Variants in EFR3B observed in about 807,000 individuals in gnomAD.
EFR3B encodes protein EFR3 homolog B.
In EFR3B, 64 loss-of-function variants were observed where a neutral mutation model predicts 104.7. That is an observed-to-expected ratio of 0.61 (90% CI 0.50 to 0.75). The LOEUF (loss-of-function observed/expected upper bound fraction) is 0.75. EFR3B is among the 30% of genes least tolerant of loss of function. EFR3B has a pLI of 0.00. For missense variants in EFR3B, 750 were observed against 1,078.5 expected, an observed-to-expected ratio of 0.70 and a Z score of 4.27; for synonymous variants, 385 against 417.9, an observed-to-expected ratio of 0.92 and a Z score of 0.96.
chr2:25,044,957 GC>G (rs1380225867), intron 1 of EFR3B, among the ~76,000 whole-genome samples: 2 of 152,170 alleles, frequency 1.3e-5, no homozygotes, highest in Non-Finnish European at 2.9e-5. Context: ...GAATCCAGGA[GC>G]CCTTTCATGG....
chr2:25,096,077 G>A (rs1477814738), intron 3 of EFR3B, among the ~76,000 whole-genome samples: 5 of 151,850 alleles, frequency 3.3e-5, no homozygotes, highest in African/African-American at 1.2e-4. Flanking sequence ...GTGCATTGGT[G>A]TGATCTTGGC....
In EFR3B at chr2:25,131,106, T is replaced by A. The variant is rs1670315961; in HGVS notation, c.850-262T>A. On this transcript the variant is annotated intron_variant, in intron 8 of 22. Transcript: ENST00000403714. The surrounding 1 kb of genome is among the most constrained non-coding windows in gnomAD (Gnocchi z 7.6). The stretch of plus-strand genomic sequence containing the variant: ...TGAAGAAATGAAAGGAAGACCCTAT[T>A]TTAAAATGGTCTTTTGACCAATTTT... Among the ~76,000 whole-genome samples, 1 of 152,194 alleles carries A rather than the reference T, an allele frequency of 6.6e-6. No individual in the cohort carries two copies. The highest frequency in any genetic ancestry group is 2.4e-5 in the African/African-American group (1 of 41,432).
intron 1 of EFR3B, chr2:25,080,001 T>C: frequency 1.0e-6 from 1 of 994,436 alleles, no homozygotes; most frequent in Non-Finnish European, 1.6e-6. Context: ...CTCCAAGTCG[T>C]CACAAGCAAG....
At chr2:25,078,420 G>C (rs1668694270) in intron 1 of EFR3B, among the ~76,000 whole-genome samples, 1 of 152,212 alleles carries the variant, frequency 6.6e-6, no homozygotes, top group Non-Finnish European at 1.5e-5. Context: ...TTGCAAAGCT[G>C]AGAAAATAAA....
At position 25,054,512 on chromosome 2, in the gene EFR3B, G is replaced by A. The variant is rs1249051228; in HGVS notation, c.7+12193G>A. 3.3e-5 allele frequency among the ~76,000 whole-genome samples: 5 copies of A among 151,990 alleles called. No individual in the cohort carries two copies. In the East Asian group the frequency reaches 7.7e-4, roughly 23 times the overall value. ...AATTTTTTGTATTTTTAGTAGAGAC[G>A]GGGTTTTGCCATGTAGGTTGGCCTT... On this transcript the variant is annotated intron_variant, in intron 1 of 22. Coordinates refer to ENST00000403714, the MANE Select transcript of EFR3B (RefSeq NM_014971.2).
intron 3 of EFR3B, among the ~76,000 whole-genome samples, chr2:25,100,031 C>T (rs1032775378): frequency 9.9e-5 from 15 of 151,874 alleles, no homozygotes; most frequent in African/African-American, 3.6e-4. Context: ...GGTGAAACCC[C>T]ATCTCTACAA....
chr2:25,136,688 G>A lies in EFR3B; in HGVS notation c.1560+90G>A. ...GCACTTTGGGAGGCTGAGGCGGGCG[G>A]ATAGATCACTTGAGGTGGGGAGCTC... is the stretch of plus-strand genomic sequence containing the variant. On this transcript the variant is annotated intron_variant, in intron 14 of 22. Transcript: ENST00000403714. The surrounding 1 kb of genome is among the most constrained non-coding windows in gnomAD (Gnocchi z 4.0). 8.9e-7 allele frequency: 1 copy of A among 1,128,652 alleles called. No individual in the cohort carries two copies. Among genetic ancestry groups the A allele is most frequent in the African/African-American group, 1.5e-5 (1 of 64,834 alleles). The allele number at this position is 1,128,652 out of a possible 1,614,324, so 69.9% of individuals were successfully genotyped here.
chr2:25,073,098 G>A (rs1036689658), intron 1 of EFR3B, among the ~76,000 whole-genome samples: 8 of 152,154 alleles, frequency 5.3e-5, no homozygotes, highest in Non-Finnish European at 1.2e-4. Flanking sequence ...CATTCACAAC[G>A]ATAGTTATGA....
chr2:25,080,771 T>C, intron 1 of EFR3B: 2 of 1,288,520 alleles, frequency 1.6e-6, no homozygotes, highest in Non-Finnish European at 2.2e-6. Context: ...TAGGCTGAAT[T>C]AGAGTCAAAA....
At chr2:25,079,536 T>C (rs1042323031) in intron 1 of EFR3B, among the ~76,000 whole-genome samples, 2 of 152,234 alleles carry the variant, frequency 1.3e-5, no homozygotes, top group Admixed American at 1.3e-4. Flanking sequence ...GTGCTTGTCC[T>C]AGTGCTTAGT....
At chr2:25,151,057 TA>T (rs200604743) in intron 20 of EFR3B, among the ~76,000 whole-genome samples, 2,242 of 133,552 alleles carry the variant, frequency 0.017, 36 homozygotes, top group African/African-American at 0.047. Flanking sequence ...TCATCTCTAT[TA>T]AAAAAAAAAA....
At chr2:25,094,381 T>C (rs1669222991) in intron 3 of EFR3B, among the ~76,000 whole-genome samples, 1 of 151,150 alleles carries the variant, frequency 6.6e-6, no homozygotes. Context: ...TTCAAACTTA[T>C]ATATTAGTAG....
Position 25,129,956 on chromosome 2 carries a change from T to C in EFR3B, c.636-19T>C, listed in dbSNP as rs1170314202. 2.6e-6 allele frequency: 4 copies of C among 1,550,858 alleles called. No homozygotes were observed. In the South Asian group the frequency reaches 4.8e-5, roughly 18 times the overall value. The stretch of plus-strand genomic sequence containing the variant: ...CAGCCTGCATGCCACCCTCTACCCA[T>C]GTGCCTCTGTCTCCCCAGCCGGTCT... On this transcript the variant is annotated intron_variant, in intron 6 of 22. Transcript: ENST00000403714.
chr2:25,051,891 C>T (rs191593413), intron 1 of EFR3B, among the ~76,000 whole-genome samples: 7 of 150,402 alleles, frequency 4.7e-5, no homozygotes, highest in Non-Finnish European at 1.0e-4. Flanking sequence ...CCGCCCACCT[C>T]GGCCTCCCAA....
At chr2:25,140,544 G>A (rs35896743) in intron 16 of EFR3B, among the ~76,000 whole-genome samples, 9 of 151,908 alleles carry the variant, frequency 5.9e-5, no homozygotes, top group South Asian at 2.1e-4. Context: ...CCTCACCCTC[G>A]ACACACACCT....
intron 1 of EFR3B, among the ~76,000 whole-genome samples, chr2:25,057,313 T>C (rs1668049230): frequency 6.6e-6 from 1 of 152,168 alleles, no homozygotes; most frequent in Non-Finnish European, 1.5e-5. Flanking sequence ...TTCACAAAAC[T>C]TCTGCATGCT....
At chr2:25,139,284 C>T (rs1170616263) in intron 16 of EFR3B, 94 bp downstream of exon 16, 2 of 1,393,706 alleles carry the variant, frequency 1.4e-6, no homozygotes, top group Middle Eastern at 1.8e-4. Flanking sequence ...TGTACCTACA[C>T]TTAGGCAGTG....
chr2:25,062,207 A>G (rs1025112406), intron 1 of EFR3B, among the ~76,000 whole-genome samples: 3 of 152,182 alleles, frequency 2.0e-5, no homozygotes, highest in Non-Finnish European at 4.4e-5. Context: ...AACTGTCTAG[A>G]CTCTTCTAAT....
At chr2:25,046,664 C>A (rs113900901) in intron 1 of EFR3B, among the ~76,000 whole-genome samples, 1 of 150,540 alleles carries the variant, frequency 6.6e-6, no homozygotes, top group East Asian at 2.0e-4. Flanking sequence ...CCACCTCGCC[C>A]GGCTAATTTT....
Sources: gnomAD v4.1 joint callset for allele counts (sites outside exome capture counted in the v4.1 genomes callset) on GRCh38, gnomAD v4.1.1 for gene constraint, Gnocchi (gnomAD v3.1) non-coding constraint, MANE v1.5 for transcripts, NCBI Gene and HGNC (gene_info 2026-07-23, HGNC 2026-07-21) for gene names.